PLXDC2: variants seen among roughly 807,000 people sequenced by gnomAD.
The protein encoded by PLXDC2 is plexin domain containing 2, also known as plexin domain-containing protein 2.
Under a neutral mutation model 68.9 loss-of-function variants are expected in PLXDC2, and 40 were observed. The observed-to-expected ratio is 0.58, with a 90% confidence interval of 0.45 to 0.76. The LOEUF (loss-of-function observed/expected upper bound fraction) is 0.76, where lower values mean the gene tolerates loss of function less well. Among genes scored for constraint, PLXDC2 ranks in the 30% least tolerant of loss-of-function variants. The pLI, the probability that PLXDC2 is intolerant of heterozygous loss-of-function variation, is 0.00. For missense variants in PLXDC2, 644 were observed against 661.9 expected (o/e 0.97, Z 0.30); for synonymous variants, 243 against 234.2 (o/e 1.04, Z -0.34).
At chr10:19,824,623 A>G (rs1836538379) in intron 1 of PLXDC2, among the ~76,000 whole-genome samples, 1 of 152,158 alleles carries the variant, frequency 6.6e-6, no homozygotes, top group Non-Finnish European at 1.5e-5. Context: ...CTCCCACACA[A>G]TGATTCTGTT....
At chr10:19,989,294 A>T (rs1194988326) in intron 1 of PLXDC2, among the ~76,000 whole-genome samples, 3 of 152,216 alleles carry the variant, frequency 2.0e-5, no homozygotes, top group African/African-American at 7.2e-5. Flanking sequence ...GTGTAAACTG[A>T]TACAGGCTGA....
At chr10:20,050,444 A>C (rs1302989878) in intron 3 of PLXDC2, among the ~76,000 whole-genome samples, 1 of 152,190 alleles carries the variant, frequency 6.6e-6, no homozygotes, top group Non-Finnish European at 1.5e-5. Flanking sequence ...AATGGGAGAA[A>C]ATATTTGCAA....
In PLXDC2 at chr10:20,206,333, A is replaced by G. The variant is rs944065552; in HGVS notation, c.1062-5336A>G. ...AAACTCAAAAGCAGCCAATTGTAGT[A>G]TAATAGTGGACATTTGCACTTGGTG... On this transcript the variant is annotated intron_variant, in intron 9 of 13. Transcript: ENST00000377252. Among the ~76,000 whole-genome samples, 4 of 152,290 alleles carry G rather than the reference A, an allele frequency of 2.6e-5. No individual in the cohort carries two copies. The South Asian group carries it at 6.2e-4, about 24-fold the overall frequency.
chr10:20,129,522 T>TAC (rs1439142021), intron 4 of PLXDC2, among the ~76,000 whole-genome samples: 19 of 97,490 alleles, frequency 1.9e-4, no homozygotes, highest in Middle Eastern at 5.5e-3. Flanking sequence ...CATATATACA[T>TAC]ACACATATAT....
At chr10:20,267,983 G>GT (rs1310424369) in intron 13 of PLXDC2, among the ~76,000 whole-genome samples, 4 of 151,920 alleles carry the variant, frequency 2.6e-5, no homozygotes, top group African/African-American at 9.7e-5. Context: ...CTTCTGTGGA[G>GT]GTTACATGAA....
chr10:19,834,211 A>G (rs1424405470), intron 1 of PLXDC2, among the ~76,000 whole-genome samples: 2 of 152,158 alleles, frequency 1.3e-5, no homozygotes, highest in African/African-American at 4.8e-5. Flanking sequence ...GAAACCTAGA[A>G]CAGGTGTGCT....
intron 1 of PLXDC2, among the ~76,000 whole-genome samples, chr10:19,979,652 G>C (rs149525643): frequency 6.6e-6 from 1 of 152,168 alleles, no homozygotes. Context: ...GATTACAGGC[G>C]TGAGCTCCCG....
At chr10:20,016,830 C>T (rs1392158848) in intron 2 of PLXDC2, among the ~76,000 whole-genome samples, 2 of 152,166 alleles carry the variant, frequency 1.3e-5, no homozygotes, top group South Asian at 4.1e-4. Flanking sequence ...TGAAGCAGTG[C>T]TTATATTAGC....
At chr10:20,125,685 G>A (rs889716830) in intron 4 of PLXDC2, among the ~76,000 whole-genome samples, 1 of 152,148 alleles carries the variant, frequency 6.6e-6, no homozygotes, top group Non-Finnish European at 1.5e-5. Context: ...TCAGAGTTCA[G>A]TGCAATGCTC....
chr10:20,210,188 G>A (rs1835050513), intron 9 of PLXDC2, among the ~76,000 whole-genome samples: 1 of 152,024 alleles, frequency 6.6e-6, no homozygotes, highest in Non-Finnish European at 1.5e-5. Context: ...GTTTTCTCCT[G>A]TATATACATA....
At chr10:20,095,927 A>G (rs1264376989) in intron 4 of PLXDC2, among the ~76,000 whole-genome samples, 1 of 152,206 alleles carries the variant, frequency 6.6e-6, no homozygotes, top group South Asian at 2.1e-4. Flanking sequence ...GGTTAAATGC[A>G]AATAAATATT....
At chr10:19,969,162 G>T (rs958506446) in intron 1 of PLXDC2, among the ~76,000 whole-genome samples, 2 of 152,160 alleles carry the variant, frequency 1.3e-5, no homozygotes, top group Non-Finnish European at 2.9e-5. Context: ...GACACCAAAA[G>T]ATCAGAAACA....
intron 1 of PLXDC2, among the ~76,000 whole-genome samples, chr10:19,883,884 CTTTTTTT>C (rs397846779): frequency 1.6e-4 from 9 of 55,106 alleles, no homozygotes; most frequent in African/African-American, 3.7e-4. Flanking sequence ...TCCCTTTAAA[CTTTTTTT>C]TTTTTTTTTT....
At chr10:19,910,332 T>C (rs1353427799) in intron 1 of PLXDC2, among the ~76,000 whole-genome samples, 1 of 152,052 alleles carries the variant, frequency 6.6e-6, no homozygotes, top group Non-Finnish European at 1.5e-5. Context: ...TTTTGTGACA[T>C]GTAGTATGTG....
In PLXDC2 at chr10:20,072,493, GAGAAAGAA is replaced by G. The variant is rs55848042; in HGVS notation, c.541+4308_541+4315del. Among the ~76,000 whole-genome samples, 362 of 80,770 alleles carry G rather than the reference GAGAAAGAA, an allele frequency of 4.5e-3. 2 individuals carry two copies. Among genetic ancestry groups the G allele is most frequent in the Middle Eastern group, 0.016 (3 of 182 alleles). The allele number at this position is 80,770 out of a possible 152,430, so 53.0% of individuals were successfully genotyped here. A position where few individuals can be genotyped will look rare whatever the true frequency, so the allele number is the denominator to read the frequency against. On this transcript the variant is annotated intron_variant, in intron 4 of 13. Coordinates refer to ENST00000377252, the MANE Select transcript of PLXDC2 (RefSeq NM_032812.9). ...AAGAAAGAAGGAACAAAGAAAGAAA[GAGAAAGAA>G]AGAAAGAAAGAAAGAAAGAAAGAAA...
chr10:19,895,873 T>C (rs1324782533), intron 1 of PLXDC2, among the ~76,000 whole-genome samples: 11 of 152,026 alleles, frequency 7.2e-5, no homozygotes, highest in Non-Finnish European at 4.4e-5. Context: ...TGAGCTATGA[T>C]CATAACATTG....
intron 1 of PLXDC2, among the ~76,000 whole-genome samples, chr10:19,978,007 A>G (rs1354129461): frequency 6.6e-6 from 1 of 152,212 alleles, no homozygotes; most frequent in African/African-American, 2.4e-5. Context: ...ATCATCTGGT[A>G]GTCTAGCTGC....
At chr10:19,879,460 T>C (rs1387745533) in intron 1 of PLXDC2, among the ~76,000 whole-genome samples, 2 of 152,144 alleles carry the variant, frequency 1.3e-5, no homozygotes, top group Non-Finnish European at 2.9e-5. Flanking sequence ...CAAATCAAAT[T>C]GTGCCATTAT....
chr10:19,998,131 G>T (rs1834872288), intron 1 of PLXDC2, among the ~76,000 whole-genome samples: 1 of 152,080 alleles, frequency 6.6e-6, no homozygotes, highest in African/African-American at 2.4e-5. Flanking sequence ...CCCTGCTGTT[G>T]TTTTTGTTTT....
Sources: gnomAD v4.1 joint callset for allele counts (sites outside exome capture counted in the v4.1 genomes callset) on GRCh38, gnomAD v4.1.1 for gene constraint, MANE v1.5 for transcripts, NCBI Gene and HGNC (gene_info 2026-07-23, HGNC 2026-07-21) for gene names.